The following CNTNAP2 variants were observed in gnomAD, a reference collection of about 807,000 sequenced individuals.
CNTNAP2 encodes the protein contactin-associated protein-like 2.
Under a neutral mutation model 155.2 loss-of-function variants are expected in CNTNAP2, and 98 were observed. That is an observed-to-expected ratio of 0.63 (90% CI 0.54 to 0.75). The LOEUF (loss-of-function observed/expected upper bound fraction) is 0.75. CNTNAP2 is among the 30% of genes least tolerant of loss of function. CNTNAP2 has a pLI of 0.00. For missense variants in CNTNAP2, 1,727 were observed against 1,688.1 expected (o/e 1.02, Z -0.40); for synonymous variants, 651 against 631.2 (o/e 1.03, Z -0.47).
At chr7:147,916,056 G>A (rs1478396421) in intron 14 of CNTNAP2, among the ~76,000 whole-genome samples, 9 of 152,100 alleles carry the variant, frequency 5.9e-5, no homozygotes. Flanking sequence ...GCCCTCTTTC[G>A]TTAGGAATTT....
chr7:146,769,407 T>A (rs1255873391), intron 1 of CNTNAP2, among the ~76,000 whole-genome samples: 4 of 152,204 alleles, frequency 2.6e-5, no homozygotes, highest in Non-Finnish European at 2.9e-5. Flanking sequence ...AAAAGCAGAC[T>A]TTTTAGAATG....
intron 1 of CNTNAP2, among the ~76,000 whole-genome samples, chr7:146,671,239 A>G (rs532576523): frequency 2.0e-4 from 31 of 152,332 alleles, no homozygotes; most frequent in African/African-American, 6.3e-4. Context: ...TGAGTTACAT[A>G]GGAGGTTTCC....
chr7:146,803,503 A>C (rs1013670517), intron 2 of CNTNAP2, among the ~76,000 whole-genome samples: 1 of 152,138 alleles, frequency 6.6e-6, no homozygotes, highest in Non-Finnish European at 1.5e-5. Flanking sequence ...GCAATGGTGC[A>C]TTTTCATCTT....
At chr7:146,261,687 G>A (rs968281028) in intron 1 of CNTNAP2, among the ~76,000 whole-genome samples, 1 of 151,854 alleles carries the variant, frequency 6.6e-6, no homozygotes, top group African/African-American at 2.4e-5. Context: ...CTCATATATT[G>A]TAGTCTGCAA....
intron 9 of CNTNAP2, among the ~76,000 whole-genome samples, chr7:147,370,053 C>T (rs2116912866): frequency 6.6e-6 from 1 of 152,304 alleles, no homozygotes; most frequent in South Asian, 2.1e-4. Context: ...TCCCCAAACA[C>T]AGTAACATCT....
chr7:146,867,281 C>A (rs574960796), intron 3 of CNTNAP2, among the ~76,000 whole-genome samples: 25 of 152,214 alleles, frequency 1.6e-4, no homozygotes, highest in African/African-American at 5.8e-4. Context: ...ATTTGGTTTT[C>A]TGTTCTTGTG....
chr7:146,226,305 G>A (rs1799291771), intron 1 of CNTNAP2, among the ~76,000 whole-genome samples: 1 of 152,098 alleles, frequency 6.6e-6, no homozygotes, highest in Non-Finnish European at 1.5e-5. Flanking sequence ...TAATTTATAT[G>A]GGATGGTAAA....
At chr7:147,154,571 C>T (rs1262243868) in intron 8 of CNTNAP2, among the ~76,000 whole-genome samples, 3 of 152,048 alleles carry the variant, frequency 2.0e-5, no homozygotes, top group Non-Finnish European at 2.9e-5. Flanking sequence ...TAATTTTGTG[C>T]ACTCTAGTCT....
intron 9 of CNTNAP2, among the ~76,000 whole-genome samples, chr7:147,305,983 T>G (rs1795018678): frequency 6.6e-6 from 1 of 152,082 alleles, no homozygotes; most frequent in Admixed American, 6.6e-5. Flanking sequence ...CCCTTTGTGT[T>G]TCCGCATCTG....
At chr7:147,400,778 G>T (rs73740626) in intron 10 of CNTNAP2, among the ~76,000 whole-genome samples, 2,330 of 152,252 alleles carry the variant, frequency 0.015, 58 homozygotes, top group African/African-American at 0.054. Context: ...TAGAACTGAT[G>T]TCTAGAGCTG....
chr7:148,233,811 A>G (rs4726928), intron 20 of CNTNAP2, among the ~76,000 whole-genome samples: 108,085 of 152,150 alleles, frequency 0.71, 39,766 homozygotes, highest in East Asian at 0.95. Context: ...ATAATCCCCA[A>G]TGTTGAAGGA....
intron 3 of CNTNAP2, among the ~76,000 whole-genome samples, chr7:146,909,198 A>T (rs931524233): frequency 1.3e-5 from 2 of 151,260 alleles, no homozygotes; most frequent in South Asian, 4.2e-4. Flanking sequence ...GACCAGATGG[A>T]TTCACAGCCG....
intron 14 of CNTNAP2, among the ~76,000 whole-genome samples, chr7:147,916,866 G>A (rs1800171910): frequency 6.6e-6 from 1 of 152,158 alleles, no homozygotes; most frequent in Middle Eastern, 3.4e-3. Context: ...TCCCTACCAG[G>A]CCAGCCATCT....
intron 4 of CNTNAP2, 115 bp from the exon 5 acceptor site, chr7:147,108,032 C>T (rs1022824962): frequency 1.4e-5 from 13 of 917,532 alleles, no homozygotes; most frequent in Middle Eastern, 3.3e-4. Flanking sequence ...AGAGGACTGT[C>T]AATTTCTCAA....
At chr7:147,463,949 C>T (rs1798067786) in intron 10 of CNTNAP2, among the ~76,000 whole-genome samples, 1 of 132,732 alleles carries the variant, frequency 7.5e-6, no homozygotes. Context: ...ACCTATTTGG[C>T]CCCACTACTA....
At chr7:146,933,398 A>G (rs1796827849) in intron 3 of CNTNAP2, among the ~76,000 whole-genome samples, 1 of 151,024 alleles carries the variant, frequency 6.6e-6, no homozygotes. Flanking sequence ...TAGAAAGCTG[A>G]AACTGGAACC....
intron 1 of CNTNAP2, among the ~76,000 whole-genome samples, chr7:146,515,157 T>C (rs1227466390): frequency 6.6e-6 from 1 of 152,102 alleles, no homozygotes; most frequent in Non-Finnish European, 1.5e-5. Context: ...TTTCACACTA[T>C]GGTTGCAAGC....
At chr7:147,079,032 T>A (rs1460755254) in intron 4 of CNTNAP2, among the ~76,000 whole-genome samples, 1 of 152,174 alleles carries the variant, frequency 6.6e-6, no homozygotes, top group East Asian at 1.9e-4. Context: ...ATTACAGGTG[T>A]GAGCCACTGG....
chr7:147,394,979 A>C (rs1796788603), intron 9 of CNTNAP2, among the ~76,000 whole-genome samples: 1 of 150,970 alleles, frequency 6.6e-6, no homozygotes, highest in Non-Finnish European at 1.5e-5. Context: ...TAGTTTGTAG[A>C]AGATGTATAT....
Sources: gnomAD v4.1 joint callset for allele counts (sites outside exome capture counted in the v4.1 genomes callset) on GRCh38, gnomAD v4.1.1 for gene constraint, MANE v1.5 for transcripts, NCBI Gene and HGNC (gene_info 2026-07-23, HGNC 2026-07-21) for gene names.